Variants in DACH2 observed in about 807,000 individuals in gnomAD.
DACH2 encodes dachshund family transcription factor 2.
In DACH2, 17 loss-of-function variants were observed where a neutral mutation model predicts 35.8. That is an observed-to-expected ratio of 0.48 (90% confidence interval 0.33 to 0.71). The LOEUF is 0.71. Ranked by LOEUF, DACH2 falls within the 30% of genes least tolerant of loss-of-function variation. DACH2 has a pLI of 0.02. For missense variants in DACH2, 469 were observed against 472.7 expected (o/e 0.99, Z 0.07); for synonymous variants, 195 against 177.3 (o/e 1.10, Z -0.79).
intron 3 of DACH2, among the ~76,000 whole-genome samples, chrX:86,525,556 T>C (rs954752430): frequency 7.2e-5 from 8 of 111,771 alleles, no homozygotes; most frequent in African/African-American, 9.8e-5. Context: ...AAATTGTTCC[T>C]TGTGACAATT....
chrX:86,339,453 A>G (rs188317552), intron 1 of DACH2, among the ~76,000 whole-genome samples: 1 of 112,195 alleles, frequency 8.9e-6, no homozygotes, highest in East Asian at 2.8e-4. Context: ...GATTTTAACA[A>G]ACACATCCCT....
chrX:86,646,277 T>C (rs1459620961), intron 3 of DACH2, among the ~76,000 whole-genome samples: 3 of 109,658 alleles, frequency 2.7e-5, no homozygotes, highest in African/African-American at 9.9e-5. Context: ...GTAATAGTCA[T>C]TGGAGATTCA....
At chrX:86,278,848 T>C (rs1316001908) in intron 1 of DACH2, among the ~76,000 whole-genome samples, 1 of 111,339 alleles carries the variant, frequency 9.0e-6, no homozygotes, top group Non-Finnish European at 1.9e-5. Flanking sequence ...ATGCTCGAAT[T>C]TGGTGGGGAG....
intron 7 of DACH2, among the ~76,000 whole-genome samples, chrX:86,751,470 C>A (rs1210311010): frequency 9.0e-6 from 1 of 110,602 alleles, no homozygotes; most frequent in Non-Finnish European, 1.9e-5. Flanking sequence ...AATTCAACAC[C>A]CCTTCATGTT....
In DACH2 at chrX:86,462,903, A is replaced by G. The variant is rs761821498; in HGVS notation, c.528-51376A>G. On this transcript the variant is annotated intron_variant, in intron 2 of 11. Transcript: ENST00000373125. Reference sequence around the variant, plus strand: ...AATGGCACAATGATTAGTTATGTTCACAGTTATGACACTAAGTTATAGCAA... The same window carrying G: ...AATGGCACAATGATTAGTTATGTTCGCAGTTATGACACTAAGTTATAGCAA... Among the ~76,000 whole-genome samples the G allele has an allele frequency of 7.2e-5, 8 of 111,684 alleles. No homozygotes were observed. The East Asian group carries it at 2.2e-3, about 31-fold the overall frequency.
At chrX:86,180,738 C>T (rs2147881761) in intron 1 of DACH2, among the ~76,000 whole-genome samples, 1 of 111,456 alleles carries the variant, frequency 9.0e-6, no homozygotes, top group African/African-American at 3.3e-5. Flanking sequence ...GGGTAGGCAT[C>T]AAACTACAGT....
intron 4 of DACH2, among the ~76,000 whole-genome samples, chrX:86,652,807 C>T (rs1228843420): frequency 8.9e-6 from 1 of 111,808 alleles, no homozygotes; most frequent in Non-Finnish European, 1.9e-5. Context: ...TTTGCTTGCA[C>T]ATTTGTTTCA....
At chrX:86,546,000 C>G (rs751545736) in intron 3 of DACH2, among the ~76,000 whole-genome samples, 1 of 111,660 alleles carries the variant, frequency 9.0e-6, no homozygotes, top group African/African-American at 3.3e-5. Context: ...CTAATTATTC[C>G]TATGAAAAAT....
At chrX:86,425,284 T>C (rs2036873650) in intron 2 of DACH2, among the ~76,000 whole-genome samples, 1 of 110,740 alleles carries the variant, frequency 9.0e-6, no homozygotes, top group Admixed American at 9.6e-5. Flanking sequence ...TTTGGTAGAA[T>C]TCAGCAGTGA....
At chrX:86,415,438 A>G (rs2036687720) in intron 2 of DACH2, among the ~76,000 whole-genome samples, 1 of 112,037 alleles carries the variant, frequency 8.9e-6, no homozygotes, top group African/African-American at 3.2e-5. Context: ...TTTTCATTTG[A>G]TAAGAAAAAG....
intron 3 of DACH2, among the ~76,000 whole-genome samples, chrX:86,607,525 T>C (rs1171484859): frequency 1.8e-5 from 2 of 111,557 alleles, no homozygotes; most frequent in East Asian, 5.7e-4. Flanking sequence ...TTTTATCTTT[T>C]TGTTGTTTCT....
At chrX:86,508,344 A>G (rs1048314835) in intron 2 of DACH2, among the ~76,000 whole-genome samples, 1 of 110,659 alleles carries the variant, frequency 9.0e-6, no homozygotes, top group Non-Finnish European at 1.9e-5. Flanking sequence ...GGATCACTTG[A>G]GGCCAGGAGT....
At chrX:86,801,826 A>T (rs2042297169) in intron 7 of DACH2, among the ~76,000 whole-genome samples, 1 of 111,978 alleles carries the variant, frequency 8.9e-6, no homozygotes, top group African/African-American at 3.2e-5. Context: ...CATAGAATTC[A>T]TTCTTGGAAA....
intron 7 of DACH2, among the ~76,000 whole-genome samples, chrX:86,779,435 A>T (rs2042068964): frequency 8.9e-6 from 1 of 111,739 alleles, no homozygotes; most frequent in Admixed American, 9.5e-5. Flanking sequence ...ATCATGTAAG[A>T]CTTTATAGGC....
chrX:86,368,902 A>G (rs1313175930), intron 1 of DACH2, among the ~76,000 whole-genome samples: 1 of 111,403 alleles, frequency 9.0e-6, no homozygotes, highest in Non-Finnish European at 1.9e-5. Flanking sequence ...AAGCATCAAG[A>G]TAAAACAGTA....
At chrX:86,291,634 AG>A (rs761282520) in intron 1 of DACH2, among the ~76,000 whole-genome samples, 6 of 108,588 alleles carry the variant, frequency 5.5e-5, no homozygotes, top group Non-Finnish European at 1.1e-4. Flanking sequence ...TTTAGCATGA[AG>A]GGTTGTTAAA....
intron 2 of DACH2, among the ~76,000 whole-genome samples, chrX:86,479,559 T>C (rs1006555402): frequency 5.3e-5 from 6 of 112,222 alleles, no homozygotes; most frequent in African/African-American, 1.9e-4. Context: ...TAAATAAATT[T>C]TCTTTCCTTA....
At chrX:86,585,335 A>G (rs1268333217) in intron 3 of DACH2, among the ~76,000 whole-genome samples, 1 of 110,751 alleles carries the variant, frequency 9.0e-6, no homozygotes, top group Non-Finnish European at 1.9e-5. Context: ...GCTTTTAGTA[A>G]TAGTTATTCT....
chrX:86,298,973 T>A (rs761210272), intron 1 of DACH2, among the ~76,000 whole-genome samples: 41 of 112,347 alleles, frequency 3.6e-4, no homozygotes, highest in African/African-American at 1.3e-3. Context: ...ACCCTGTTCA[T>A]TGGCTAAGAG....
Sources: allele counts gnomAD v4.1 joint callset (sites outside exome capture counted in the v4.1 genomes callset), GRCh38; gene constraint gnomAD v4.1.1; transcripts MANE v1.5; gene names NCBI Gene and HGNC (gene_info 2026-07-23, HGNC 2026-07-21).